AKAP12: variants seen among roughly 807,000 people sequenced by gnomAD.
The protein encoded by AKAP12 is A-kinase anchoring protein 12, also known as A-kinase anchor protein 12.
A neutral mutation model predicts 79.9 loss-of-function variants in AKAP12; 32 were observed. That is an observed-to-expected ratio of 0.40 (90% CI 0.30 to 0.54). AKAP12 has a LOEUF of 0.54. Among genes scored for constraint, AKAP12 ranks in the 20% least tolerant of loss-of-function variants. The pLI is 0.48. For missense variants in AKAP12, 2,074 were observed against 2,177.0 expected (o/e 0.95, Z 0.94); for synonymous variants, 808 against 857.0 (o/e 0.94, Z 1.00).
At chr6:151,246,903 A>G (rs554230102) in intron 2 of AKAP12, among the ~76,000 whole-genome samples, 3 of 152,184 alleles carry the variant, frequency 2.0e-5, no homozygotes, top group Non-Finnish European at 2.9e-5. Context: ...CTGGGACTAC[A>G]GGCACACACC....
At chr6:151,354,582 C>T (rs1198902612) in intron 4 of AKAP12, among the ~76,000 whole-genome samples, 1 of 149,068 alleles carries the variant, frequency 6.7e-6, no homozygotes, top group East Asian at 2.0e-4. Flanking sequence ...ACCGTGTTAG[C>T]CAGGAGGTCT....
At chr6:151,325,788 G>A (rs1582882785) in intron 3 of AKAP12, 25 of 1,612,326 alleles carry the variant, frequency 1.6e-5, no homozygotes, top group Non-Finnish European at 2.1e-5. Flanking sequence ...TTGGCAGGCA[G>A]GAGACTAGGC....
intron 2 of AKAP12, among the ~76,000 whole-genome samples, chr6:151,259,507 T>TACACAC (rs762556792): frequency 0.011 from 1,382 of 122,400 alleles, 19 homozygotes; most frequent in African/African-American, 0.021. Flanking sequence ...CATGTATATA[T>TACACAC]ATATACACAC....
chr6:151,268,966 T>TTTTTTTTG (rs1776118380), intron 2 of AKAP12, among the ~76,000 whole-genome samples: 2 of 135,844 alleles, frequency 1.5e-5, no homozygotes, highest in African/African-American at 5.6e-5. Flanking sequence ...TTTTTTTTTT[T>TTTTTTTTG]TTTTTTTTTT....
At chr6:151,278,080 CACTT>C (rs767589421) in intron 2 of AKAP12, among the ~76,000 whole-genome samples, 6 of 152,226 alleles carry the variant, frequency 3.9e-5, no homozygotes, top group East Asian at 1.9e-4. Context: ...GAAAATGTAT[CACTT>C]AAGGTAGTAG....
At chr6:151,355,430 A>G (rs1482622448) in intron 4 of AKAP12, among the ~76,000 whole-genome samples, 1 of 150,566 alleles carries the variant, frequency 6.6e-6, no homozygotes, top group African/African-American at 2.5e-5. Flanking sequence ...AGCCTCCCGA[A>G]TAGCAGGGAC....
chr6:151,265,608 A>G (rs1299448706), intron 2 of AKAP12, among the ~76,000 whole-genome samples: 3 of 152,246 alleles, frequency 2.0e-5, no homozygotes, highest in Non-Finnish European at 4.4e-5. Context: ...AAATAAACAT[A>G]CAGTATTATA....
chr6:151,310,026 C>T (rs1199522115), intron 3 of AKAP12, among the ~76,000 whole-genome samples: 2 of 151,782 alleles, frequency 1.3e-5, no homozygotes, highest in East Asian at 3.9e-4. Context: ...AATTATCAAT[C>T]GTTTTATAGT....
chr6:151,319,197 A>T (rs950266676), intron 3 of AKAP12, among the ~76,000 whole-genome samples: 1 of 152,124 alleles, frequency 6.6e-6, no homozygotes, highest in Admixed American at 6.6e-5. Flanking sequence ...CCTTTGAGGA[A>T]CTATTCTTCA....
At chr6:151,289,772 C>T (rs78521128) in intron 2 of AKAP12, among the ~76,000 whole-genome samples, 5 of 152,360 alleles carry the variant, frequency 3.3e-5, no homozygotes, top group African/African-American at 4.8e-5. Context: ...AATAGAGACA[C>T]TGTCACCAGG....
intron 2 of AKAP12, among the ~76,000 whole-genome samples, chr6:151,279,689 G>A (rs1423054745): frequency 1.3e-5 from 2 of 151,790 alleles, no homozygotes; most frequent in African/African-American, 4.8e-5. Context: ...GAGACAATAA[G>A]CAAGCAAAAG....
chr6:151,349,631 G>A lies in AKAP12; in HGVS notation c.1240G>A (p.Glu414Lys). 8.1e-6 allele frequency: 13 copies of A among 1,612,960 alleles called. No homozygotes were observed. The highest frequency in any genetic ancestry group is 1.0e-5 in the Non-Finnish European group (12 of 1,179,694). The change falls in exon 4 of 5, where the codon GAG becomes AAG. Residue 414 changes from glutamate (E) to lysine (K), a missense_variant. Physicochemically the swap from Glu to Lys is moderately conservative, Grantham distance 56 (BLOSUM62 1). Coordinates refer to ENST00000402676, the MANE Select transcript of AKAP12 (RefSeq NM_005100.4). ...TGAGAAAATAGAAGTCCACCAAGAA[G>A]AGGTTGTGGCCGAAGTCCACGTCAG... Reference protein sequence around the residue: ...FDEKIEVHQEEVVAEVHVSTV... With the variant: ...FDEKIEVHQEKVVAEVHVSTV...
intron 2 of AKAP12, among the ~76,000 whole-genome samples, chr6:151,250,500 A>G (rs892346254): frequency 1.3e-5 from 2 of 150,660 alleles, no homozygotes; most frequent in African/African-American, 5.0e-5. Flanking sequence ...ACTCCATCTT[A>G]AAATAAATAA....
At chr6:151,307,961 G>A (rs1444311753) in intron 3 of AKAP12, among the ~76,000 whole-genome samples, 1 of 151,840 alleles carries the variant, frequency 6.6e-6, no homozygotes, top group East Asian at 1.9e-4. Flanking sequence ...GCCTCCCCGC[G>A]CACATCCCCC....
At chr6:151,353,839 T>C in intron 4 of AKAP12, 87 bp downstream of exon 4, 1 of 863,388 alleles carries the variant, frequency 1.2e-6, no homozygotes, top group East Asian at 2.7e-5. Context: ...GAGCAAATAA[T>C]TAATGCCTTC....
In AKAP12 at chr6:151,352,440, C is replaced by T; in HGVS notation, c.4049C>T (p.Pro1350Leu). 6.2e-7 allele frequency: 1 copy of T among 1,614,180 alleles called. No homozygotes were observed. The highest frequency in any genetic ancestry group is 8.5e-7 in the Non-Finnish European group (1 of 1,180,028). The change falls in exon 4 of 5, where the codon CCA becomes CTA. Residue 1350 changes from proline (P) to leucine (L), a missense_variant. By Grantham distance (98) the Pro-to-Leu change is moderately conservative. This residue lies in a region of AKAP12 where 614 missense variants were observed against 665.6 expected (regional missense o/e 0.92). Coordinates refer to ENST00000402676, the MANE Select transcript of AKAP12 (RefSeq NM_005100.4). ...QVEREKTEAE[P>L]THVNEEKLEH... The stretch of plus-strand genomic sequence containing the variant: ...GAAAGGGAGAAAACAGAAGCAGAGC[C>T]AACCCATGTGAATGAAGAGAAGCTT...
intron 3 of AKAP12, among the ~76,000 whole-genome samples, chr6:151,340,005 C>G (rs537327166): frequency 6.6e-6 from 1 of 151,918 alleles, no homozygotes; most frequent in African/African-American, 2.4e-5. Context: ...CAGCTCACTG[C>G]GAGCCCCGTC....
intron 3 of AKAP12, among the ~76,000 whole-genome samples, chr6:151,308,349 A>G (rs1777019805): frequency 6.6e-6 from 1 of 151,910 alleles, no homozygotes; most frequent in South Asian, 2.1e-4. Context: ...AGTAGCTGGG[A>G]CTACAGGTGC....
chr6:151,286,293 A>G (rs201623539), intron 2 of AKAP12, among the ~76,000 whole-genome samples: 2 of 152,202 alleles, frequency 1.3e-5, no homozygotes, highest in East Asian at 3.9e-4. Flanking sequence ...GGCTGAAAGC[A>G]TTTTCTTTGC....
Sources: allele counts gnomAD v4.1 joint callset (sites outside exome capture counted in the v4.1 genomes callset), GRCh38; gene constraint gnomAD v4.1.1; regional missense constraint gnomAD v4.1.1; transcripts MANE v1.5; gene names NCBI Gene and HGNC (gene_info 2026-07-23, HGNC 2026-07-21).